RNF17: variants seen among roughly 807,000 people sequenced by gnomAD.
RNF17 encodes the protein spermatogenesis associated 23.
A neutral mutation model predicts 200.5 loss-of-function variants in RNF17; 31 were observed. That is an observed-to-expected ratio of 0.15 (90% CI 0.12 to 0.21). The LOEUF is 0.21. Among genes scored for constraint, RNF17 ranks in the 10% least tolerant of loss-of-function variants. The pLI, the probability that RNF17 is intolerant of heterozygous loss-of-function variation, is 1.00. For missense variants in RNF17, 1,628 were observed against 1,905.1 expected, an observed-to-expected ratio of 0.85 and a Z score of 2.71; for synonymous variants, 606 against 637.8, an observed-to-expected ratio of 0.95 and a Z score of 0.75.
intron 18 of RNF17, among the ~76,000 whole-genome samples, chr13:24,840,126 G>A (rs1264945021): frequency 6.6e-6 from 1 of 152,118 alleles, no homozygotes; most frequent in East Asian, 1.9e-4. Context: ...ATGAAAAAAT[G>A]CTCAACATCA....
chr13:24,883,638 T>C (rs1953929799), downstream of RNF17, among the ~76,000 whole-genome samples: 1 of 152,340 alleles, frequency 6.6e-6, no homozygotes, highest in African/African-American at 2.4e-5. Context: ...TTGGTTGTTA[T>C]ATTAAAAGGG....
rs1891923403 is a variant in RNF17 at position 24,851,807 on chromosome 13, A to C, written c.3320+236A>C. Reference sequence around the variant, plus strand: ...GTTTACTGACATACTTGCTTTTGTAATTTCCCCTCTCCTTTGACATTTACA... The same window carrying C: ...GTTTACTGACATACTTGCTTTTGTACTTTCCCCTCTCCTTTGACATTTACA... On this transcript the variant is annotated intron_variant, in intron 24 of 35. Transcript: ENST00000255324. 5.3e-5 allele frequency among the ~76,000 whole-genome samples: 8 copies of C among 152,130 alleles called. 1 individual carries two copies. Among genetic ancestry groups the C allele is most frequent in the Admixed American group, 5.2e-4 (8 of 15,274 alleles).
At chr13:24,874,042 T>G (rs1214661592) in intron 32 of RNF17, 72 bp from the exon 33 acceptor site, 1 of 1,508,220 alleles carries the variant, frequency 6.6e-7, no homozygotes, top group Non-Finnish European at 9.1e-7. Context: ...CCCTTTGATA[T>G]GCTGATTTCC....
chr13:24,832,376 C>G (rs1593375174), intron 18 of RNF17, among the ~76,000 whole-genome samples: 1 of 116,914 alleles, frequency 8.6e-6, no homozygotes, highest in African/African-American at 3.0e-5. Flanking sequence ...CTGGCTTAAA[C>G]AAATTCAACT....
At chr13:24,797,053 T>C (rs1006885573) in intron 11 of RNF17, among the ~76,000 whole-genome samples, 3 of 152,160 alleles carry the variant, frequency 2.0e-5, no homozygotes, top group East Asian at 1.9e-4. Context: ...CAAAAATGAA[T>C]AGTAATTCTA....
At chr13:24,813,630 CT>C (rs111606511) in intron 15 of RNF17, among the ~76,000 whole-genome samples, 7 of 148,540 alleles carry the variant, frequency 4.7e-5, no homozygotes, top group African/African-American at 7.4e-5. Context: ...CGTGTAACTA[CT>C]TTTTTTTTTC....
At chr13:24,780,542 A>G (rs1427653004) in intron 5 of RNF17, among the ~76,000 whole-genome samples, 1 of 152,000 alleles carries the variant, frequency 6.6e-6, no homozygotes, top group African/African-American at 2.4e-5. Context: ...CCATCCTGAC[A>G]CCCCCAAAAG....
At chr13:24,852,251 G>GC (rs1891997133) in intron 24 of RNF17, among the ~76,000 whole-genome samples, 1 of 150,742 alleles carries the variant, frequency 6.6e-6, no homozygotes, top group Admixed American at 6.7e-5. Flanking sequence ...CCATTCTCCT[G>GC]CCTCAGCCTC....
intron 18 of RNF17, among the ~76,000 whole-genome samples, chr13:24,837,763 C>CT (rs1433909919): frequency 1.3e-5 from 2 of 152,088 alleles, no homozygotes; most frequent in African/African-American, 2.4e-5. Context: ...AACTGACACT[C>CT]TAAGGTCACA....
At chr13:24,854,216 C>T in intron 25 of RNF17, 72 bp downstream of exon 25, 1 of 1,134,702 alleles carries the variant, frequency 8.8e-7, no homozygotes, top group South Asian at 1.6e-5. Flanking sequence ...CTTTGGGCAA[C>T]CTCTTTGAAC....
chr13:24,827,233 A>AT (rs1042870744), intron 16 of RNF17, among the ~76,000 whole-genome samples: 4 of 151,856 alleles, frequency 2.6e-5, no homozygotes, highest in African/African-American at 9.7e-5. Flanking sequence ...GTGCCGGGCA[A>AT]TTTTTTTTAC....
the RNF17 span, among the ~76,000 whole-genome samples, chr13:24,757,617 C>A: frequency 6.6e-6 from 1 of 152,112 alleles, no homozygotes; most frequent in East Asian, 1.9e-4. Flanking sequence ...AGCCACTGTG[C>A]CTGGCCGACA....
chr13:24,831,967 G>A lies in RNF17; in HGVS notation c.2471G>A (p.Cys824Tyr). 6.4e-7 allele frequency: 1 copy of A among 1,573,258 alleles called. No homozygotes were observed. The highest frequency in any genetic ancestry group is 8.7e-7 in the Non-Finnish European group (1 of 1,151,750). ...EEKAQDKFMT[C>Y]SVIKILEDNV... ...AAGGCTCAAGATAAATTTATGACAT[G>A]TTCAGTTATCAGTAAGTTCCATTTT... is the stretch of plus-strand genomic sequence containing the variant. Residue 824 changes from cysteine (C) to tyrosine (Y), a missense_variant, in exon 18 of 36, where the codon TGT becomes TAT. Transcript: ENST00000255324.
intron 6 of RNF17, among the ~76,000 whole-genome samples, chr13:24,782,820 A>C (rs538402179): frequency 7.9e-5 from 12 of 152,184 alleles, no homozygotes; most frequent in Non-Finnish European, 1.5e-4. Flanking sequence ...ATTTTTGTCT[A>C]TATGACTTAC....
intron 1 of RNF17, among the ~76,000 whole-genome samples, chr13:24,765,219 G>T (rs113503209): frequency 0.18 from 27,706 of 152,052 alleles, 2,701 homozygotes; most frequent in South Asian, 0.34. Flanking sequence ...GTTTCACCGT[G>T]TTAGCCAGGA....
chr13:24,868,799 C>A, intron 31 of RNF17, 83 bp downstream of exon 31: 1 of 753,256 alleles, frequency 1.3e-6, no homozygotes, highest in Non-Finnish European at 2.3e-6. Context: ...CTCTTCACTT[C>A]TCTATTTTCC....
At position 24,877,275 on chromosome 13, in the gene RNF17, CGA is replaced by C. The variant is rs1472101032; in HGVS notation, c.4773+93_4773+94del. Reference sequence around the variant, plus strand: ...TTTGTTTCTATGCAGCGTCTACATGCGAGAGTATACTAAAGCATATACAGCTA... The same window carrying C: ...TTTGTTTCTATGCAGCGTCTACATGCGAGTATACTAAAGCATATACAGCTA... On this transcript the variant is annotated intron_variant, in intron 34 of 35. Transcript: ENST00000255324. The C allele has an allele frequency of 2.0e-4, 202 of 1,011,158 alleles. 3 individuals carry two copies. In the East Asian group the frequency reaches 5.0e-3, roughly 25 times the overall value. 62.6% of individuals were successfully genotyped at this position (1,011,158 alleles called of 1,614,324 possible).
chr13:24,826,313 T>C (rs1384177907), intron 16 of RNF17, among the ~76,000 whole-genome samples: 1 of 152,210 alleles, frequency 6.6e-6, no homozygotes, highest in Non-Finnish European at 1.5e-5. Context: ...AATGGAGGTA[T>C]TAGCAACAAA....
At chr13:24,789,652 A>T (rs750737460) in intron 8 of RNF17, 46 bp from the exon 9 acceptor site, 2 of 1,223,130 alleles carry the variant, frequency 1.6e-6, no homozygotes, top group Non-Finnish European at 2.4e-6. Context: ...AGAACATGAT[A>T]CATTTGTATT....
Sources: allele counts gnomAD v4.1 joint callset (sites outside exome capture counted in the v4.1 genomes callset), GRCh38; gene constraint gnomAD v4.1.1; transcripts MANE v1.5; gene names NCBI Gene and HGNC (gene_info 2026-07-23, HGNC 2026-07-21).